The following LMNB1 variants were observed in gnomAD, a reference collection of about 807,000 sequenced individuals.
LMNB1 encodes lamin-B1.
Under a neutral mutation model 67.1 loss-of-function variants are expected in LMNB1, and 23 were observed. The observed-to-expected ratio is 0.34, with a 90% CI of 0.25 to 0.49. The LOEUF is 0.49. Ranked by LOEUF, LMNB1 falls within the 20% of genes least tolerant of loss-of-function variation. LMNB1 has a pLI of 0.99. For synonymous variants in LMNB1, 281 were observed against 282.9 expected (o/e 0.99, Z 0.07); for missense variants, 634 against 746.5 (o/e 0.85, Z 1.76).
At chr5:126,793,966 G>T (rs1426569664) in intron 1 of LMNB1, among the ~76,000 whole-genome samples, 1 of 151,526 alleles carries the variant, frequency 6.6e-6, no homozygotes, top group East Asian at 1.9e-4. Context: ...ATGGAATCTC[G>T]CTTTGTTGCC....
chr5:126,795,065 G>A (rs1020494940), intron 1 of LMNB1, among the ~76,000 whole-genome samples: 2 of 147,674 alleles, frequency 1.4e-5, no homozygotes, highest in Non-Finnish European at 3.0e-5. Flanking sequence ...TTTGTTCCCT[G>A]TTTAAGTGGA....
intron 3 of LMNB1, 64 bp downstream of exon 3, chr5:126,805,760 TA>T: frequency 9.3e-7 from 1 of 1,071,498 alleles, no homozygotes; most frequent in Non-Finnish European, 1.3e-6. Context: ...TTGTCATAGC[TA>T]AACATGTAAT....
At chr5:126,787,546 A>ATATATATATTTTTTTTTTTTTTTT in intron 1 of LMNB1, among the ~76,000 whole-genome samples, 12 of 65,570 alleles carry the variant, frequency 1.8e-4, no homozygotes, top group Non-Finnish European at 2.2e-4. Context: ...ATATATATAT[A>ATATATATATTTTTTTTTTTTTTTT]TTTTTTTTTT....
intron 9 of LMNB1, among the ~76,000 whole-genome samples, chr5:126,829,299 C>T (rs1392703073): frequency 6.6e-6 from 1 of 151,954 alleles, no homozygotes; most frequent in Non-Finnish European, 1.5e-5. Context: ...TGTTGTTTCT[C>T]TTCTGGTTGC....
chr5:126,790,053 C>T (rs1218150932), intron 1 of LMNB1, among the ~76,000 whole-genome samples: 1 of 152,118 alleles, frequency 6.6e-6, no homozygotes, highest in Non-Finnish European at 1.5e-5. Context: ...ATCCGCCCAC[C>T]TCAGCCTTCC....
At chr5:126,776,649 C>G (rs1048665714), upstream of LMNB1, 2 of 152,388 alleles carry the variant, frequency 1.3e-5, no homozygotes, top group African/African-American at 2.4e-5. Flanking sequence ...TTACCACGCC[C>G]GCGGTGGCCG....
At chr5:126,792,419 G>A (rs935600385) in intron 1 of LMNB1, among the ~76,000 whole-genome samples, 2 of 152,138 alleles carry the variant, frequency 1.3e-5, no homozygotes, top group African/African-American at 4.8e-5. Context: ...TTATAGGCGT[G>A]AGCCACTGTG....
intron 1 of LMNB1, among the ~76,000 whole-genome samples, chr5:126,798,201 C>G (rs973535452): frequency 6.6e-6 from 1 of 151,704 alleles, no homozygotes; most frequent in African/African-American, 2.4e-5. Flanking sequence ...GCCTGTAATC[C>G]CAGCACTTTG....
At chr5:126,825,914 C>T (rs1348196856) in intron 8 of LMNB1, 74 bp from the exon 9 acceptor site, 4 of 1,595,652 alleles carry the variant, frequency 2.5e-6, no homozygotes, top group Non-Finnish European at 3.4e-6. Flanking sequence ...GTGTTTGAGT[C>T]TCATCGCATT....
rs1417015291 is a variant in LMNB1 at position 126,810,207 on chromosome 5, G to C, written c.670G>C (p.Glu224Gln). The C allele has an allele frequency of 2.5e-6, 4 of 1,613,112 alleles. No individual in the cohort carries two copies. Among genetic ancestry groups the C allele is most frequent in the South Asian group, 1.1e-5 (1 of 91,012 alleles). Residue 224 changes from glutamate to glutamine, a missense_variant, in exon 4 of 11, where the codon GAA becomes CAA. Glu to Gln is a conservative substitution (Grantham distance 29). Transcript: ENST00000261366. ...EEINETRRKH[E>Q]TRLVEVDSGR... is the part of the protein sequence containing the mutation. The stretch of plus-strand genomic sequence containing the variant: ...GATTAACGAGACCAGAAGGAAGCAT[G>C]AAACGCGCTTGGTAGAGGTGGATTC...
intron 1 of LMNB1, among the ~76,000 whole-genome samples, chr5:126,781,546 C>A (rs1056964368): frequency 4.6e-5 from 7 of 151,930 alleles, no homozygotes; most frequent in African/African-American, 1.7e-4. Flanking sequence ...AAGCGATGCT[C>A]TTGACCCAGC....
In LMNB1 at chr5:126,810,326, G is replaced by C; in HGVS notation, c.789G>C (p.Glu263Asp). The C allele has an allele frequency of 6.2e-7, 1 of 1,610,114 alleles. No homozygotes were observed. Among genetic ancestry groups the C allele is most frequent in the Non-Finnish European group, 8.5e-7 (1 of 1,176,760 alleles). ...CCCAAGTGAGGCTGTATAAGGAGGA[G>C]CTGGAGCAGACTTACCATGCCAAAG... ...HDAQVRLYKEELEQTYHAKLE... is the reference protein window; with the variant it reads ...HDAQVRLYKEDLEQTYHAKLE... Residue 263 changes from glutamate to aspartate, a missense_variant, in exon 4 of 11, where the codon GAG (glutamate) becomes GAC (aspartate). By Grantham distance (45) the Glu-to-Asp change is conservative. Coordinates refer to ENST00000261366, the MANE Select transcript of LMNB1 (RefSeq NM_005573.4).
chr5:126,782,241 G>T (rs372302244), intron 1 of LMNB1, among the ~76,000 whole-genome samples: 1 of 152,180 alleles, frequency 6.6e-6, no homozygotes, highest in Non-Finnish European at 1.5e-5. Flanking sequence ...TACAGGTCCC[G>T]TATCTTTTCT....
chr5:126,825,310 C>T (rs1751969332), intron 8 of LMNB1, among the ~76,000 whole-genome samples: 1 of 152,124 alleles, frequency 6.6e-6, no homozygotes, highest in South Asian at 2.1e-4. Flanking sequence ...TTTCTTTGAC[C>T]TATTTCAATA....
rs1401395596 is a variant in LMNB1 at position 126,820,898 on chromosome 5, T to C, written c.1161-12T>C. On this transcript the variant is annotated splice_polypyrimidine_tract_variant and intron_variant, in intron 6 of 10. Coordinates refer to ENST00000261366, the MANE Select transcript of LMNB1 (RefSeq NM_005573.4). ...TGTTTTAAAAATGAATTGTTTTATT[T>C]TTCCCATATAGGTTGAAGCTGTCTC... 8 of 1,598,868 alleles carry C rather than the reference T, an allele frequency of 5.0e-6. No homozygotes were observed. Among genetic ancestry groups the C allele is most frequent in the Non-Finnish European group, 6.9e-6 (8 of 1,166,838 alleles).
chr5:126,818,591 A>G (rs1486756886), intron 5 of LMNB1, among the ~76,000 whole-genome samples: 6 of 152,208 alleles, frequency 3.9e-5, no homozygotes, highest in Non-Finnish European at 8.8e-5. Context: ...TTTTGGAAGT[A>G]AAGGCTTTGT....
At chr5:126,832,445 A>G (rs1752157873) in intron 9 of LMNB1, among the ~76,000 whole-genome samples, 1 of 151,938 alleles carries the variant, frequency 6.6e-6, no homozygotes. Flanking sequence ...GATTACAGGC[A>G]CGTGCCATCA....
chr5:126,803,759 A>C (rs573102549), intron 1 of LMNB1, among the ~76,000 whole-genome samples: 2 of 145,474 alleles, frequency 1.4e-5, no homozygotes, highest in African/African-American at 2.6e-5. Flanking sequence ...CCATGTTGGC[A>C]AGGCTGGTCT....
At chr5:126,796,277 T>C (rs967421153) in intron 1 of LMNB1, among the ~76,000 whole-genome samples, 8 of 152,086 alleles carry the variant, frequency 5.3e-5, no homozygotes, top group Non-Finnish European at 1.2e-4. Context: ...TGTCTTCTTA[T>C]GGTGCTGACT....
Sources: allele counts gnomAD v4.1 joint callset (sites outside exome capture counted in the v4.1 genomes callset), GRCh38; gene constraint gnomAD v4.1.1; transcripts MANE v1.5; gene names NCBI Gene and HGNC (gene_info 2026-07-23, HGNC 2026-07-21).